PBX1: variants seen among roughly 807,000 people sequenced by gnomAD.
The protein encoded by PBX1 is pre-B-cell leukemia transcription factor 1.
PBX1 carries 6 observed loss-of-function variants against 53.4 expected under a neutral mutation model. The ratio of observed to expected loss-of-function variants is 0.11; its 90% CI spans 0.06 to 0.22. The LOEUF is 0.22. Among genes scored for constraint, PBX1 ranks in the 10% least tolerant of loss-of-function variants. The pLI is 1.00. For missense variants in PBX1, 251 were observed against 551.4 expected (o/e 0.46, Z 5.46); for synonymous variants, 204 against 212.3 (o/e 0.96, Z 0.34).
chr1:164,662,689 A>G (rs1007740793), intron 2 of PBX1, among the ~76,000 whole-genome samples: 2 of 152,110 alleles, frequency 1.3e-5, no homozygotes, highest in African/African-American at 2.4e-5. Flanking sequence ...TGGCAGTGAG[A>G]TGCCTTTGTT....
intron 2 of PBX1, among the ~76,000 whole-genome samples, chr1:164,712,215 G>A (rs1663835814): frequency 6.7e-6 from 1 of 149,596 alleles, no homozygotes; most frequent in South Asian, 2.1e-4. Context: ...CAGTCGGGCA[G>A]CTCTCTGTCT....
chr1:164,629,922 A>G (rs566611105), intron 2 of PBX1, among the ~76,000 whole-genome samples: 4 of 152,300 alleles, frequency 2.6e-5, no homozygotes, highest in African/African-American at 9.6e-5. Flanking sequence ...ATATATTTAT[A>G]TATTTTTTAT....
At chr1:164,640,558 G>GT (rs1377884988) in intron 2 of PBX1, among the ~76,000 whole-genome samples, 3,244 of 41,356 alleles carry the variant, frequency 0.078, 127 homozygotes, top group African/African-American at 0.18. Context: ...TTTTTTTTGT[G>GT]TTTTTTTTTT....
intron 2 of PBX1, among the ~76,000 whole-genome samples, chr1:164,883,363 C>A (rs1029761016): frequency 6.6e-6 from 1 of 152,088 alleles, no homozygotes; most frequent in African/African-American, 2.4e-5. Context: ...TAGCCCTGGG[C>A]AAATGGATAT....
chr1:164,783,488 CA>C (rs1012085195), intron 2 of PBX1, among the ~76,000 whole-genome samples: 9 of 152,102 alleles, frequency 5.9e-5, no homozygotes, highest in African/African-American at 2.2e-4. Flanking sequence ...GCAGAAAAAC[CA>C]AACTCTTAAC....
intron 1 of PBX1, 165 bp downstream of exon 1, chr1:164,560,178 AGCG>A (rs1652928285): frequency 5.4e-6 from 3 of 555,020 alleles, no homozygotes; most frequent in Non-Finnish European, 6.2e-6. Flanking sequence ...AATTTGAAGG[AGCG>A]TTGTTATCGA....
intron 2 of PBX1, among the ~76,000 whole-genome samples, chr1:164,870,355 T>TTCTTTCTTTCCTTC (rs1553255711): frequency 1.1e-5 from 1 of 94,790 alleles, no homozygotes; most frequent in Non-Finnish European, 2.3e-5. Context: ...CTTTCTTTCT[T>TTCTTTCTTTCCTTC]TCTTTCGAGA....
intron 2 of PBX1, among the ~76,000 whole-genome samples, chr1:164,727,839 A>G (rs1664778732): frequency 6.6e-6 from 1 of 152,220 alleles, no homozygotes; most frequent in South Asian, 2.1e-4. Flanking sequence ...ACCTGTAGGA[A>G]GTACTTGTGA....
chr1:164,661,535 T>C (rs898328156), intron 2 of PBX1, among the ~76,000 whole-genome samples: 2 of 150,866 alleles, frequency 1.3e-5, no homozygotes, highest in Non-Finnish European at 3.0e-5. Context: ...CAAACAATTC[T>C]CCTGCCTCAG....
At chr1:164,614,484 C>T (rs958659567) in intron 2 of PBX1, among the ~76,000 whole-genome samples, 5 of 152,080 alleles carry the variant, frequency 3.3e-5, no homozygotes, top group Non-Finnish European at 5.9e-5. Flanking sequence ...GCAGCTGCCA[C>T]CCCCACTCCT....
chr1:164,575,949 AAATT>A (rs751598439), intron 2 of PBX1, among the ~76,000 whole-genome samples: 19 of 152,158 alleles, frequency 1.2e-4, no homozygotes, highest in Admixed American at 5.2e-4. Flanking sequence ...TGTGAGGAAT[AAATT>A]AAAGCAGCTT....
At chr1:164,631,364 T>C (rs1658400721) in intron 2 of PBX1, among the ~76,000 whole-genome samples, 1 of 151,246 alleles carries the variant, frequency 6.6e-6, no homozygotes, top group African/African-American at 2.4e-5. Flanking sequence ...CACAGAGAAG[T>C]CAGAAAACAA....
At chr1:164,864,680 T>C (rs1488282375) in intron 2 of PBX1, among the ~76,000 whole-genome samples, 1 of 152,170 alleles carries the variant, frequency 6.6e-6, no homozygotes, top group East Asian at 1.9e-4. Context: ...GCTATTGCCG[T>C]GGGTCAGCCT....
chr1:164,722,550 A>G (rs10753644), intron 2 of PBX1, among the ~76,000 whole-genome samples: 49,740 of 152,102 alleles, frequency 0.33, 8,420 homozygotes, highest in South Asian at 0.46. Flanking sequence ...AAGACTCTGC[A>G]TGCCTAACTG....
At chr1:164,747,467 A>T (rs1665958425) in intron 2 of PBX1, among the ~76,000 whole-genome samples, 1 of 152,144 alleles carries the variant, frequency 6.6e-6, no homozygotes, top group Non-Finnish European at 1.5e-5. Context: ...GATGTAACAT[A>T]ACAGTATGTT....
chr1:164,809,135 C>CT (rs1195762295), intron 5 of PBX1, among the ~76,000 whole-genome samples: 1 of 152,134 alleles, frequency 6.6e-6, no homozygotes, highest in East Asian at 1.9e-4. Context: ...GAACCTTCTG[C>CT]TTTTAAAATA....
chr1:164,758,608 A>G (rs1033641821), intron 2 of PBX1, among the ~76,000 whole-genome samples: 11 of 151,934 alleles, frequency 7.2e-5, no homozygotes, highest in Non-Finnish European at 1.2e-4. Context: ...AACCTTTCCT[A>G]TCCTTCCCAG....
intron 8 of PBX1, among the ~76,000 whole-genome samples, chr1:164,834,510 A>G (rs1670937164): frequency 1.3e-5 from 2 of 151,702 alleles, no homozygotes; most frequent in Admixed American, 6.6e-5. Context: ...CGCCTGGCTA[A>G]TTTTTGTATT....
At chr1:164,764,125 A>G (rs1349919090) in intron 2 of PBX1, among the ~76,000 whole-genome samples, 2 of 152,128 alleles carry the variant, frequency 1.3e-5, no homozygotes, top group African/African-American at 4.8e-5. Context: ...CTGGGCATAT[A>G]CTTTATGCTC....
Sources: allele counts gnomAD v4.1 joint callset (sites outside exome capture counted in the v4.1 genomes callset), GRCh38; gene constraint gnomAD v4.1.1; transcripts MANE v1.5; gene names NCBI Gene and HGNC (gene_info 2026-07-23, HGNC 2026-07-21).